Variants in TTC17 observed in about 807,000 individuals in gnomAD.
TTC17 encodes the protein tetratricopeptide repeat domain 17.
Under a neutral mutation model 143.8 loss-of-function variants are expected in TTC17, and 58 were observed. The observed-to-expected ratio is 0.40, with a 90% CI of 0.33 to 0.50. The LOEUF (loss-of-function observed/expected upper bound fraction) is 0.50. TTC17 is among the 20% of genes least tolerant of loss of function. The pLI, the probability that TTC17 is intolerant of heterozygous loss-of-function variation, is 0.49. For synonymous variants in TTC17, 501 were observed against 497.8 expected (o/e 1.01, Z -0.09); for missense variants, 1,273 against 1,392.5 (o/e 0.91, Z 1.37).
chr11:43,407,513 A>G lies in TTC17; in HGVS notation c.2000A>G (p.His667Arg), dbSNP rs776083244. ...PLVNLANLLI[H>R]YGLHLDATKL... ...GTCAACTTGGCCAACCTTTTGATTC[A>G]TTACGGCCTTCATCTTGATGCCACT... The change falls in exon 15 of 24, where the codon CAT (histidine) becomes CGT (arginine). Residue 667 changes from histidine (H) to arginine (R), a missense_variant. This residue lies in a region of TTC17 where 878 missense variants were observed against 899.8 expected (regional missense o/e 0.98). Transcript: ENST00000039989. 5 of 1,613,856 alleles carry G rather than the reference A, an allele frequency of 3.1e-6. No individual in the cohort carries two copies. The highest frequency in any genetic ancestry group is 1.7e-5 in the Admixed American group (1 of 59,962).
chr11:43,363,576 A>G (rs1198197598), intron 1 of TTC17, among the ~76,000 whole-genome samples: 1 of 152,218 alleles, frequency 6.6e-6, no homozygotes, highest in Non-Finnish European at 1.5e-5. Context: ...CAGCTGTCTT[A>G]TACATTTTAA....
chr11:43,482,111 G>A (rs1171988398), intron 21 of TTC17, among the ~76,000 whole-genome samples: 1 of 151,896 alleles, frequency 6.6e-6, no homozygotes, highest in Non-Finnish European at 1.5e-5. Flanking sequence ...CCATTTTATT[G>A]ATCTTAAATA....
At position 43,486,425 on chromosome 11, in the gene TTC17, G is replaced by A. The variant is rs750003818; in HGVS notation, c.3031-3814G>A. 6.4e-5 allele frequency: 29 copies of A among 452,568 alleles called. 1 individual carries two copies. Among genetic ancestry groups the A allele is most frequent in the South Asian group, 3.9e-4 (25 of 64,074 alleles). The allele number at this position is 452,568 out of a possible 1,614,324, so 28.0% of individuals were successfully genotyped here. On this transcript the variant is annotated intron_variant, in intron 21 of 23. Transcript: ENST00000039989. ...CTATCCATGGTTTCAGGCATCCACC[G>A]CGGGTCTTGGAATGTATCCCTATCA...
At chr11:43,416,912 AC>A (rs1277683402) in intron 16 of TTC17, among the ~76,000 whole-genome samples, 1 of 152,190 alleles carries the variant, frequency 6.6e-6, no homozygotes, top group Admixed American at 6.5e-5. Flanking sequence ...TTACCTAAAA[AC>A]AGCTAATAGT....
chr11:43,468,643 A>G (rs936668511), intron 21 of TTC17, among the ~76,000 whole-genome samples: 1 of 152,226 alleles, frequency 6.6e-6, no homozygotes, highest in South Asian at 2.1e-4. Context: ...GGACTTCATT[A>G]AAATTTCTCA....
intron 2 of TTC17, among the ~76,000 whole-genome samples, chr11:43,383,336 CTA>C (rs2134496158): frequency 6.6e-6 from 1 of 152,148 alleles, no homozygotes; most frequent in East Asian, 1.9e-4. Flanking sequence ...TTCAAACCAA[CTA>C]TGTATTTTTT....
At chr11:43,373,594 A>T (rs981194591) in intron 1 of TTC17, among the ~76,000 whole-genome samples, 1 of 152,150 alleles carries the variant, frequency 6.6e-6, no homozygotes, top group Non-Finnish European at 1.5e-5. Context: ...AAGTGCTGGG[A>T]TTACAGGCGT....
intron 16 of TTC17, among the ~76,000 whole-genome samples, chr11:43,422,035 T>G (rs1415648441): frequency 3.3e-5 from 5 of 152,170 alleles, no homozygotes; most frequent in Non-Finnish European, 5.9e-5. Context: ...GAAGACCTGT[T>G]AGGATGCTAT....
In TTC17 at chr11:43,486,493, AAGT is replaced by A. The variant is rs1370372483; in HGVS notation, c.3031-3744_3031-3742del. 1.0e-4 allele frequency: 45 copies of A among 431,610 alleles called. No individual in the cohort carries two copies. The Admixed American group carries it at 1.1e-3, about 10-fold the overall frequency. 26.7% of individuals were successfully genotyped at this position (431,610 alleles called of 1,614,324 possible). ...TACCATTTTCATAAAGTACAGGAAG[AAGT>A]AAACTAATGTATATTGTTGAGTCAA... is the stretch of plus-strand genomic sequence containing the variant. On this transcript the variant is annotated intron_variant, in intron 21 of 23. Transcript: ENST00000039989.
At chr11:43,392,859 A>G (rs1857441221) in intron 5 of TTC17, among the ~76,000 whole-genome samples, 1 of 152,224 alleles carries the variant, frequency 6.6e-6, no homozygotes, top group East Asian at 1.9e-4. Flanking sequence ...CTGGGTGGCT[A>G]CTTTAGATCT....
intron 5 of TTC17, among the ~76,000 whole-genome samples, chr11:43,392,748 G>C (rs1390703272): frequency 6.6e-6 from 1 of 152,170 alleles, no homozygotes; most frequent in Non-Finnish European, 1.5e-5. Context: ...TGAGTAATAA[G>C]AGAAAACTGG....
chr11:43,380,957 C>G (rs1166272750), intron 2 of TTC17, among the ~76,000 whole-genome samples: 1 of 151,960 alleles, frequency 6.6e-6, no homozygotes, highest in East Asian at 1.9e-4. Context: ...CAGAAAGATG[C>G]AATGGTGCAG....
intron 1 of TTC17, among the ~76,000 whole-genome samples, chr11:43,360,928 A>G (rs1002360545): frequency 6.6e-6 from 1 of 152,182 alleles, no homozygotes; most frequent in African/African-American, 2.4e-5. Context: ...GATCCTTTTC[A>G]TTGAATTTTC....
intron 16 of TTC17, chr11:43,436,078 C>T: frequency 2.6e-6 from 3 of 1,151,464 alleles, no homozygotes; most frequent in Non-Finnish European, 3.3e-6. Flanking sequence ...CACATTTTTG[C>T]TCTTCTTGAT....
chr11:43,467,587 G>T (rs912946154), intron 21 of TTC17, among the ~76,000 whole-genome samples: 2 of 152,156 alleles, frequency 1.3e-5, no homozygotes, highest in Non-Finnish European at 2.9e-5. Flanking sequence ...CTGAAGGTTG[G>T]TTACATGATG....
At chr11:43,477,009 G>A (rs1041539342) in intron 21 of TTC17, among the ~76,000 whole-genome samples, 3 of 152,126 alleles carry the variant, frequency 2.0e-5, no homozygotes, top group Non-Finnish European at 2.9e-5. Flanking sequence ...CCTCTTAAAT[G>A]CTTTGCTGCT....
chr11:43,455,752 A>G (rs1317438327), intron 21 of TTC17, among the ~76,000 whole-genome samples: 1 of 152,152 alleles, frequency 6.6e-6, no homozygotes, highest in South Asian at 2.1e-4. Flanking sequence ...CAAAAAGCAC[A>G]CTAGGCCCAG....
In TTC17 at chr11:43,405,853, A is replaced by G; in HGVS notation, c.1663A>G (p.Thr555Ala). ...GGCCCAAACCCCTGACTGTTCCATA[A>G]CTGACTTCAGAAAAAGCCACACTCT... The part of the protein sequence containing the change: ...EEAQTPDCSI[T>A]DFRKSHTLSY... Residue 555 changes from threonine (T) to alanine (A), a missense_variant, in exon 13 of 24, where the codon ACT becomes GCT. Thr to Ala is a moderately conservative substitution (Grantham distance 58, BLOSUM62 0). Transcript: ENST00000039989. The G allele has an allele frequency of 6.2e-7, 1 of 1,614,024 alleles. No individual in the cohort carries two copies. The highest frequency in any genetic ancestry group is 8.5e-7 in the Non-Finnish European group (1 of 1,179,942).
At chr11:43,417,735 C>T (rs1045309296) in intron 16 of TTC17, among the ~76,000 whole-genome samples, 4 of 152,188 alleles carry the variant, frequency 2.6e-5, no homozygotes, top group African/African-American at 9.7e-5. Flanking sequence ...ACTCGGGAGG[C>T]TGAGGCAGGA....
Sources: allele counts gnomAD v4.1 joint callset (sites outside exome capture counted in the v4.1 genomes callset), GRCh38; gene constraint gnomAD v4.1.1; regional missense constraint gnomAD v4.1.1; transcripts MANE v1.5; gene names NCBI Gene and HGNC (gene_info 2026-07-23, HGNC 2026-07-21).